MBD5: variants seen among roughly 807,000 people sequenced by gnomAD.
The protein encoded by MBD5 is methyl-CpG binding domain protein 5, also known as methyl-CpG-binding domain protein 5.
MBD5 carries 13 observed loss-of-function variants against 117.3 expected under a neutral mutation model. The observed-to-expected ratio is 0.11, with a 90% CI of 0.07 to 0.18. The LOEUF is 0.18. Ranked by LOEUF, MBD5 falls within the 10% of genes least tolerant of loss-of-function variation. MBD5 has a pLI of 1.00. For synonymous variants in MBD5, 727 were observed against 766.4 expected, an observed-to-expected ratio of 0.95 and a Z score of 0.85; for missense variants, 1,879 against 2,093.8, an observed-to-expected ratio of 0.90 and a Z score of 2.00.
chr2:148,210,324 C>T (rs1483428747), intron 2 of MBD5, among the ~76,000 whole-genome samples: 1 of 151,902 alleles, frequency 6.6e-6, no homozygotes, highest in Non-Finnish European at 1.5e-5. Context: ...TAAGGATGTA[C>T]CATTTAGAAA....
intron 1 of MBD5, among the ~76,000 whole-genome samples, chr2:148,154,581 G>A (rs578025960): frequency 3.3e-5 from 5 of 152,186 alleles, no homozygotes; most frequent in South Asian, 2.1e-4. Flanking sequence ...ATCAATCAGC[G>A]AGACTCCCTG....
intron 12 of MBD5, among the ~76,000 whole-genome samples, chr2:148,505,495 T>C (rs759453878): frequency 2.0e-5 from 3 of 152,100 alleles, no homozygotes; most frequent in Non-Finnish European, 2.9e-5. Context: ...CAAAGACTGA[T>C]AAAATGATCA....
chr2:148,487,499 C>T (rs867491812), intron 10 of MBD5, among the ~76,000 whole-genome samples: 1 of 152,012 alleles, frequency 6.6e-6, no homozygotes, highest in African/African-American at 2.4e-5. Flanking sequence ...TATATATCTT[C>T]CATAGTAAAA....
At chr2:148,226,620 A>G (rs2106108407) in intron 2 of MBD5, among the ~76,000 whole-genome samples, 1 of 152,266 alleles carries the variant, frequency 6.6e-6, no homozygotes, top group South Asian at 2.1e-4. Context: ...TCTTTTGGGT[A>G]TATACCCAGT....
At chr2:148,240,123 T>C (rs1700182071) in intron 3 of MBD5, among the ~76,000 whole-genome samples, 1 of 152,106 alleles carries the variant, frequency 6.6e-6, no homozygotes, top group Non-Finnish European at 1.5e-5. Context: ...TATAGGGACA[T>C]AGATGAAGCT....
At chr2:148,209,562 T>G (rs1699370908) in intron 2 of MBD5, among the ~76,000 whole-genome samples, 2 of 152,174 alleles carry the variant, frequency 1.3e-5, no homozygotes, top group South Asian at 4.2e-4. Flanking sequence ...GTAAGGCACT[T>G]TGTTATAGAA....
At chr2:148,436,145 G>A (rs76724989) in intron 4 of MBD5, among the ~76,000 whole-genome samples, 3,847 of 152,142 alleles carry the variant, frequency 0.025, 130 homozygotes, top group African/African-American at 0.087. Context: ...GCTGTTTTTA[G>A]CTTATCTGTG....
chr2:148,483,065 C>A, intron 8 of MBD5, 45 bp from the exon 9 acceptor site: 3 of 1,584,530 alleles, frequency 1.9e-6, no homozygotes, highest in Non-Finnish European at 2.6e-6. Flanking sequence ...ACATAACATT[C>A]ATGATTAATA....
At chr2:148,368,270 G>A (rs1466539672) in intron 4 of MBD5, among the ~76,000 whole-genome samples, 2 of 152,022 alleles carry the variant, frequency 1.3e-5, no homozygotes, top group Non-Finnish European at 2.9e-5. Flanking sequence ...AGTGGGAACC[G>A]TACAATGAGA....
intron 2 of MBD5, among the ~76,000 whole-genome samples, chr2:148,195,443 C>T (rs184951658): frequency 8.2e-4 from 124 of 152,106 alleles, no homozygotes; most frequent in Non-Finnish European, 1.7e-3. Context: ...ATAGACAATT[C>T]CACAATTATA....
chr2:148,179,354 C>CAA (rs762312262), intron 2 of MBD5, among the ~76,000 whole-genome samples: 1,552 of 70,904 alleles, frequency 0.022, 32 homozygotes, highest in African/African-American at 0.069. Flanking sequence ...GACTCTGTCT[C>CAA]AAAAAAAAAA....
At chr2:148,365,275 A>T (rs1032029550) in intron 4 of MBD5, among the ~76,000 whole-genome samples, 5 of 152,208 alleles carry the variant, frequency 3.3e-5, no homozygotes, top group Non-Finnish European at 7.3e-5. Context: ...GAAATAAATA[A>T]GTTCTTTGAA....
At chr2:148,378,388 T>G (rs990935847) in intron 4 of MBD5, among the ~76,000 whole-genome samples, 10 of 152,262 alleles carry the variant, frequency 6.6e-5, no homozygotes, top group Admixed American at 3.9e-4. Flanking sequence ...CTTTCCAAAA[T>G]TGAAAAGTAA....
chr2:148,022,852 T>TA (rs1017671188), intron 1 of MBD5, among the ~76,000 whole-genome samples: 4 of 152,216 alleles, frequency 2.6e-5, no homozygotes, highest in African/African-American at 9.6e-5. Context: ...ACAATATTGA[T>TA]AAAAATCACT....
chr2:148,212,971 CTG>C (rs1334274277), intron 2 of MBD5, among the ~76,000 whole-genome samples: 1 of 151,980 alleles, frequency 6.6e-6, no homozygotes, highest in Non-Finnish European at 1.5e-5. Context: ...CCACCAGAAA[CTG>C]AGTTCATCTT....
At chr2:148,065,157 A>G (rs146723896) in intron 1 of MBD5, among the ~76,000 whole-genome samples, 2 of 152,132 alleles carry the variant, frequency 1.3e-5, no homozygotes, top group Admixed American at 6.5e-5. Flanking sequence ...AGTCTTAAAT[A>G]TGTAAGCCCA....
At chr2:148,294,296 C>G (rs1217296177) in intron 3 of MBD5, among the ~76,000 whole-genome samples, 1 of 146,892 alleles carries the variant, frequency 6.8e-6, no homozygotes, top group Non-Finnish European at 1.5e-5. Flanking sequence ...GTGATCTCGG[C>G]TCACTGCAAG....
chr2:148,424,798 G>C (rs535650722), intron 4 of MBD5, among the ~76,000 whole-genome samples: 2 of 152,228 alleles, frequency 1.3e-5, no homozygotes, highest in East Asian at 3.9e-4. Context: ...GATAAATAAC[G>C]AAATTAAGGC....
At chr2:148,343,841 T>G (rs2382213) in intron 4 of MBD5, among the ~76,000 whole-genome samples, 32,783 of 152,058 alleles carry the variant, frequency 0.22, 4,129 homozygotes, top group East Asian at 0.54. Flanking sequence ...TTTTTGTTTT[T>G]GTTGCAATTG....
Sources: allele counts gnomAD v4.1 joint callset (sites outside exome capture counted in the v4.1 genomes callset), GRCh38; gene constraint gnomAD v4.1.1; transcripts MANE v1.5; gene names NCBI Gene and HGNC (gene_info 2026-07-23, HGNC 2026-07-21).